Variants in WDR17 observed in about 807,000 individuals in gnomAD.
The protein encoded by WDR17 is WD repeat-containing protein 17.
WDR17 carries 143 observed loss-of-function variants against 161.7 expected under a neutral mutation model. The observed-to-expected ratio is 0.88, with a 90% CI of 0.77 to 1.02. The LOEUF (loss-of-function observed/expected upper bound fraction) is 1.02, where lower values mean the gene tolerates loss of function less well. Ranked by LOEUF, WDR17 falls within the 50% of genes least tolerant of loss-of-function variation. The probability of loss-of-function intolerance (pLI) is 0.00; values close to 1 mark genes in which losing one functional copy is unlikely to be tolerated. For synonymous variants in WDR17, 517 were observed against 515.6 expected (o/e 1.00, Z -0.04); for missense variants, 1,469 against 1,520.9 (o/e 0.97, Z 0.57).
chr4:176,092,060 A>T (rs752373257), intron 1 of WDR17, among the ~76,000 whole-genome samples: 74 of 152,172 alleles, frequency 4.9e-4, no homozygotes, highest in Non-Finnish European at 8.2e-4. Context: ...TTATTCTATA[A>T]AATAGAGGAG....
chr4:176,179,086 T>A (rs1171733796), intron 28 of WDR17, among the ~76,000 whole-genome samples: 1 of 152,194 alleles, frequency 6.6e-6, no homozygotes, highest in African/African-American at 2.4e-5. Context: ...GCTACATGAG[T>A]AAAATAGTGA....
chr4:176,158,402 T>G (rs540592782), intron 18 of WDR17, among the ~76,000 whole-genome samples: 46 of 152,316 alleles, frequency 3.0e-4, no homozygotes, highest in African/African-American at 1.0e-3. Flanking sequence ...TTTTAGGTTT[T>G]AGGTTTGAAA....
chr4:176,121,487 C>T (rs1455018112), intron 4 of WDR17, among the ~76,000 whole-genome samples: 2 of 152,156 alleles, frequency 1.3e-5, no homozygotes, highest in Non-Finnish European at 2.9e-5. Context: ...CCACTTCTTC[C>T]CTGGCCTGCA....
chr4:176,122,695 T>C (rs1338109357), intron 4 of WDR17, among the ~76,000 whole-genome samples: 1 of 152,230 alleles, frequency 6.6e-6, no homozygotes, highest in Non-Finnish European at 1.5e-5. Context: ...GATGGTTCTA[T>C]ACCTACGTTA....
chr4:176,081,600 CT>C (rs1343313674), intron 1 of WDR17, among the ~76,000 whole-genome samples: 1 of 152,060 alleles, frequency 6.6e-6, no homozygotes, highest in Non-Finnish European at 1.5e-5. Context: ...AACAGACTTC[CT>C]TTTTTTCTTA....
At chr4:176,098,770 T>C (rs1025680028) in intron 1 of WDR17, among the ~76,000 whole-genome samples, 2 of 151,998 alleles carry the variant, frequency 1.3e-5, no homozygotes, top group Non-Finnish European at 2.9e-5. Flanking sequence ...ATGTATGATA[T>C]GCTTTTTATC....
chr4:176,167,221 C>A (rs1749899958), intron 22 of WDR17, among the ~76,000 whole-genome samples: 1 of 152,142 alleles, frequency 6.6e-6, no homozygotes, highest in Non-Finnish European at 1.5e-5. Flanking sequence ...ATTTTACTGA[C>A]GTTTTCACAA....
At chr4:176,128,531 C>CA (rs975341527) in intron 5 of WDR17, among the ~76,000 whole-genome samples, 5 of 151,582 alleles carry the variant, frequency 3.3e-5, no homozygotes, top group East Asian at 1.9e-4. Flanking sequence ...GGTTTTGGAG[C>CA]AAAAAAATAG....
chr4:176,106,489 CACTT>C, intron 1 of WDR17, among the ~76,000 whole-genome samples: 1 of 152,162 alleles, frequency 6.6e-6, no homozygotes, highest in Admixed American at 6.5e-5. Flanking sequence ...GGATCAAAGA[CACTT>C]AATGTTAAGA....
At chr4:176,141,815 C>G (rs1404800381) in intron 10 of WDR17, among the ~76,000 whole-genome samples, 168 bp from the exon 11 acceptor site, 1 of 152,154 alleles carries the variant, frequency 6.6e-6, no homozygotes, top group Non-Finnish European at 1.5e-5. Flanking sequence ...TGCAAATATA[C>G]TTATAATTGG....
intron 22 of WDR17, among the ~76,000 whole-genome samples, chr4:176,167,655 A>AC (rs1156633927): frequency 3.5e-5 from 4 of 113,454 alleles, no homozygotes; most frequent in Non-Finnish European, 7.9e-5. Flanking sequence ...AAAAAAAAAA[A>AC]AAAAAAAAAA....
chr4:176,104,085 A>G (rs930780276), intron 1 of WDR17, among the ~76,000 whole-genome samples: 16 of 152,180 alleles, frequency 1.1e-4, no homozygotes, highest in African/African-American at 3.1e-4. Flanking sequence ...ATGAAACTTT[A>G]GAGACTGGAA....
At chr4:176,080,859 A>G (rs187973820) in intron 1 of WDR17, among the ~76,000 whole-genome samples, 1 of 152,112 alleles carries the variant, frequency 6.6e-6, no homozygotes, top group Non-Finnish European at 1.5e-5. Context: ...GGTGTTACTC[A>G]AAATTGTGTA....
chr4:176,085,552 T>C (rs1179399902), intron 1 of WDR17, among the ~76,000 whole-genome samples: 1 of 152,126 alleles, frequency 6.6e-6, no homozygotes, highest in Non-Finnish European at 1.5e-5. Flanking sequence ...TTTTGAAGAA[T>C]GTGTCCATTC....
At chr4:176,090,022 CT>C (rs1056982755) in intron 1 of WDR17, among the ~76,000 whole-genome samples, 2 of 152,052 alleles carry the variant, frequency 1.3e-5, no homozygotes, top group Non-Finnish European at 2.9e-5. Context: ...TTAATGTTAT[CT>C]TCCTCCAGAG....
intron 28 of WDR17, among the ~76,000 whole-genome samples, chr4:176,178,868 T>C (rs1315495462): frequency 6.6e-6 from 1 of 152,224 alleles, no homozygotes; most frequent in Non-Finnish European, 1.5e-5. Context: ...AGCTAGGTAA[T>C]ATAGACTGAA....
chr4:176,119,599 A>T (rs1741216002), intron 3 of WDR17, among the ~76,000 whole-genome samples: 3 of 152,182 alleles, frequency 2.0e-5, no homozygotes, highest in Admixed American at 2.0e-4. Flanking sequence ...AAAATAAAAA[A>T]GTCTATAAAT....
chr4:176,122,229 T>C (rs1741710133), intron 4 of WDR17, among the ~76,000 whole-genome samples: 1 of 152,176 alleles, frequency 6.6e-6, no homozygotes, highest in African/African-American at 2.4e-5. Flanking sequence ...TGTGTATGCA[T>C]GTCTCTGTGA....
chr4:176,118,356 T>C (rs1740974054), intron 3 of WDR17, among the ~76,000 whole-genome samples: 1 of 152,230 alleles, frequency 6.6e-6, no homozygotes, highest in African/African-American at 2.4e-5. Context: ...GTTTGATCCA[T>C]ACAGAGTACC....
Sources: allele counts gnomAD v4.1 joint callset (sites outside exome capture counted in the v4.1 genomes callset), GRCh38; gene constraint gnomAD v4.1.1; transcripts MANE v1.5; gene names NCBI Gene and HGNC (gene_info 2026-07-23, HGNC 2026-07-21).